Variants in HPS3 observed in about 807,000 individuals in gnomAD.
The protein encoded by HPS3 is HPS3 biogenesis of lysosomal organelles complex 2 subunit 1.
HPS3 carries 79 observed loss-of-function variants against 110.9 expected under a neutral mutation model. That is an observed-to-expected ratio of 0.71 (90% CI 0.59 to 0.86). The LOEUF is 0.86. Ranked by LOEUF, HPS3 falls within the 40% of genes least tolerant of loss-of-function variation. The pLI, the probability that HPS3 is intolerant of heterozygous loss-of-function variation, is 0.00. For missense variants in HPS3, 1,197 were observed against 1,206.2 expected, an observed-to-expected ratio of 0.99 and a Z score of 0.11; for synonymous variants, 428 against 451.0, an observed-to-expected ratio of 0.95 and a Z score of 0.65.
intron 16 of HPS3, among the ~76,000 whole-genome samples, chr3:149,170,132 T>C (rs1216060397): frequency 2.0e-5 from 3 of 152,222 alleles, no homozygotes; most frequent in Non-Finnish European, 4.4e-5. Context: ...AGAGAAGTTA[T>C]ACATGAAAGT....
chr3:149,148,593 C>T (rs1264172876), intron 5 of HPS3, among the ~76,000 whole-genome samples: 27 of 150,216 alleles, frequency 1.8e-4, no homozygotes, highest in Admixed American at 1.6e-3. Flanking sequence ...TTAGTAGAGG[C>T]GGGGTTTCAC....
In HPS3 at chr3:149,141,200, C is replaced by CTGTT; in HGVS notation, c.884+13_884+14insGTTT. The CTGTT allele has an allele frequency of 6.6e-7, 1 of 1,525,378 alleles. No individual in the cohort carries two copies. The highest frequency in any genetic ancestry group is 9.0e-7 in the Non-Finnish European group (1 of 1,116,482). 94.5% of individuals were successfully genotyped at this position (1,525,378 alleles called of 1,614,324 possible). A position where few individuals can be genotyped will look rare whatever the true frequency, so the allele number is the denominator to read the frequency against. ...CACCTGCTCTATAGGTATTATAGTG[C>CTGTT]TTTTTTTTTTTTTACCAGCATTTTA... On this transcript the variant is annotated intron_variant, in intron 3 of 16. Transcript: ENST00000296051.
At chr3:149,147,868 C>T (rs1163782319) in intron 5 of HPS3, among the ~76,000 whole-genome samples, 1 of 152,150 alleles carries the variant, frequency 6.6e-6, no homozygotes, top group Non-Finnish European at 1.5e-5. Flanking sequence ...ATAAGAATCT[C>T]CACTCCTGTT....
At position 149,169,353 on chromosome 3, in the gene HPS3, G is replaced by T. The variant is rs947052061; in HGVS notation, c.2887+1370G>T. Among the ~76,000 whole-genome samples, 5 of 152,142 alleles carry T rather than the reference G, an allele frequency of 3.3e-5. No individual in the cohort carries two copies. In the East Asian group the frequency reaches 5.8e-4, roughly 18 times the overall value. Reference sequence around the variant, plus strand: ...CAGGTTTGCCACTTACTAAGTGTCCGAGAGCAACCCAGTTTTCTAATGTCG... The same window carrying T: ...CAGGTTTGCCACTTACTAAGTGTCCTAGAGCAACCCAGTTTTCTAATGTCG... On this transcript the variant is annotated intron_variant, in intron 16 of 16. Transcript: ENST00000296051.
intron 6 of HPS3, among the ~76,000 whole-genome samples, chr3:149,152,475 G>T (rs1225818004): frequency 6.6e-6 from 1 of 152,210 alleles, no homozygotes; most frequent in African/African-American, 2.4e-5. Context: ...CTTGAGGCCA[G>T]TGGAGGTAGG....
chr3:149,141,978 G>A (rs1335055988), intron 4 of HPS3, among the ~76,000 whole-genome samples: 3 of 151,988 alleles, frequency 2.0e-5, no homozygotes, highest in Non-Finnish European at 2.9e-5. Context: ...AGACTCCCGA[G>A]TAGCTGGGAT....
intron 1 of HPS3, among the ~76,000 whole-genome samples, chr3:149,138,047 C>T (rs1722221850): frequency 6.6e-6 from 1 of 152,142 alleles, no homozygotes; most frequent in African/African-American, 2.4e-5. Context: ...GCCTCAACTT[C>T]ATCCCAACTC....
chr3:149,162,919 T>G, intron 13 of HPS3, 41 bp downstream of exon 13: 102 of 1,343,336 alleles, frequency 7.6e-5, no homozygotes, highest in Non-Finnish European at 1.0e-4. Flanking sequence ...ACTCATGCAT[T>G]GCCCATTACA....
At position 149,153,533 on chromosome 3, in the gene HPS3, A is replaced by G. The variant is rs1723260880; in HGVS notation, c.1285A>G (p.Ile429Val). ...PVSMDVCALR[I>V]QLFIGLKAIC... ...CAGTATGGATGTCTGTGCTTTAAGAATACAGCTTTTCATAGGCTTGAAAGC... is the reference window on the plus strand; with the variant it reads ...CAGTATGGATGTCTGTGCTTTAAGAGTACAGCTTTTCATAGGCTTGAAAGC... The change falls in exon 7 of 17, where the codon ATA (isoleucine) becomes GTA (valine). Residue 429 changes from isoleucine (I) to valine (V), a missense_variant. Coordinates refer to ENST00000296051, the MANE Select transcript of HPS3 (RefSeq NM_032383.5). 2 of 1,613,952 alleles carry G rather than the reference A, an allele frequency of 1.2e-6. No homozygotes were observed. Among genetic ancestry groups the G allele is most frequent in the South Asian group, 2.2e-5 (2 of 91,090 alleles).
At chr3:149,171,230 A>G (rs1724957554) in intron 16 of HPS3, among the ~76,000 whole-genome samples, 1 of 152,202 alleles carries the variant, frequency 6.6e-6, no homozygotes, top group South Asian at 2.1e-4. Context: ...GTGAGCTGAG[A>G]TCGCACCACT....
At chr3:149,161,508 CTTTTTTT>C (rs1203449055) in intron 11 of HPS3, among the ~76,000 whole-genome samples, 5 of 104,306 alleles carry the variant, frequency 4.8e-5, no homozygotes, top group Admixed American at 2.1e-4. Context: ...CCCCCACACC[CTTTTTTT>C]TTTTTTTTTT....
chr3:149,146,458 T>G (rs1722782134), intron 5 of HPS3, among the ~76,000 whole-genome samples: 1 of 152,178 alleles, frequency 6.6e-6, no homozygotes, highest in Non-Finnish European at 1.5e-5. Flanking sequence ...AGAATTTTGG[T>G]AGATGAAGAT....
At chr3:149,168,122 A>G (rs1724616242) in intron 16 of HPS3, 139 bp downstream of exon 16, 1 of 652,250 alleles carries the variant, frequency 1.5e-6, no homozygotes, top group Admixed American at 2.6e-5. Flanking sequence ...TATTTTCAGC[A>G]TTCACGTACC....
intron 16 of HPS3, 189 bp downstream of exon 16, chr3:149,168,172 A>C (rs377597970): frequency 6.1e-5 from 35 of 577,862 alleles, no homozygotes; most frequent in East Asian, 3.6e-4. Context: ...TCCTAGTCAC[A>C]GAACTGATGT....
chr3:149,143,234 C>G (rs1156751774), intron 4 of HPS3, among the ~76,000 whole-genome samples: 2 of 152,186 alleles, frequency 1.3e-5, no homozygotes, highest in Non-Finnish European at 2.9e-5. Context: ...GCTTACTATT[C>G]TTCATCCATA....
At chr3:149,169,382 G>T (rs1724756087) in intron 16 of HPS3, among the ~76,000 whole-genome samples, 1 of 152,186 alleles carries the variant, frequency 6.6e-6, no homozygotes, top group African/African-American at 2.4e-5. Flanking sequence ...AATGTCGTGA[G>T]ACTAAATGAG....
intron 5 of HPS3, among the ~76,000 whole-genome samples, chr3:149,148,196 G>A (rs914858582): frequency 5.3e-5 from 8 of 151,838 alleles, no homozygotes; most frequent in Non-Finnish European, 5.9e-5. Context: ...TTACCCGATA[G>A]ATAAATGTTT....
At chr3:149,157,261 T>C (rs1381798984) in intron 8 of HPS3, 89 bp from the exon 9 acceptor site, 6 of 1,152,526 alleles carry the variant, frequency 5.2e-6, no homozygotes, top group Admixed American at 3.7e-5. Context: ...ATGTTAACTT[T>C]ACTAACAAAA....
chr3:149,162,095 G>T, intron 11 of HPS3, 53 bp from the exon 12 acceptor site: 1 of 1,409,398 alleles, frequency 7.1e-7, no homozygotes, highest in South Asian at 1.2e-5. Context: ...TTCTAAAATG[G>T]ACAATCTAAA....
Sources: allele counts gnomAD v4.1 joint callset (sites outside exome capture counted in the v4.1 genomes callset), GRCh38; gene constraint gnomAD v4.1.1; transcripts MANE v1.5; gene names NCBI Gene and HGNC (gene_info 2026-07-23, HGNC 2026-07-21).